The following PRIM2 variants were observed in gnomAD, a reference collection of about 807,000 sequenced individuals.
The protein encoded by PRIM2 is DNA primase large subunit.
Under a neutral mutation model 67.3 loss-of-function variants are expected in PRIM2, and 39 were observed. The observed-to-expected ratio is 0.58, with a 90% CI of 0.45 to 0.76. The LOEUF (loss-of-function observed/expected upper bound fraction) is 0.76, where lower values mean the gene tolerates loss of function less well. Among genes scored for constraint, PRIM2 ranks in the 30% least tolerant of loss-of-function variants. The pLI, the probability that PRIM2 is intolerant of heterozygous loss-of-function variation, is 0.00. For missense variants in PRIM2, 398 were observed against 598.7 expected (o/e 0.66, Z 3.50); for synonymous variants, 143 against 198.7 (o/e 0.72, Z 2.36).
chr6:57,285,508 C>G, the PRIM2 span, among the ~76,000 whole-genome samples: 1 of 152,142 alleles, frequency 6.6e-6, no homozygotes, highest in African/African-American at 2.4e-5. Flanking sequence ...AGAAACAGAA[C>G]GAATGACAAA....
the PRIM2 span, among the ~76,000 whole-genome samples, chr6:57,297,099 C>CT: frequency 2.0e-5 from 3 of 151,870 alleles, no homozygotes; most frequent in South Asian, 2.1e-4. Flanking sequence ...AACATGCTCT[C>CT]TTTTTTTTAA....
rs1485276243 is a variant in PRIM2, at chr6:57,622,113, G to C, written c.1231-10020G>C. On this transcript the variant is annotated intron_variant, in intron 12 of 13. Transcript: ENST00000615550. The stretch of plus-strand genomic sequence containing the variant: ...TTACAGCCAGTTTGTGTTAGCTCCA[G>C]TATACCACTGGCTGTAGTAAAATGT... Among the ~76,000 whole-genome samples, 1,356 of 152,174 alleles carry C rather than the reference G, an allele frequency of 8.9e-3. 19 individuals are homozygous for C. The highest frequency in any genetic ancestry group is 0.031 in the African/African-American group (1,279 of 41,512).
the PRIM2 span, among the ~76,000 whole-genome samples, chr6:57,279,999 G>A: frequency 6.6e-6 from 1 of 152,138 alleles, no homozygotes; most frequent in Admixed American, 6.5e-5. Context: ...AAGGGAAGAG[G>A]ACAAGAGATG....
the PRIM2 span, among the ~76,000 whole-genome samples, chr6:57,263,203 A>G: frequency 0.025 from 3,745 of 152,326 alleles, 141 homozygotes; most frequent in African/African-American, 0.085. Flanking sequence ...CCCTAATCCC[A>G]GTAGGATGAG....
chr6:57,333,396 T>C (rs541751030), intron 5 of PRIM2, among the ~76,000 whole-genome samples: 77 of 152,312 alleles, frequency 5.1e-4, no homozygotes, highest in African/African-American at 1.7e-3. Flanking sequence ...AGAAGCCTGA[T>C]TTCATTTTGA....
intron 12 of PRIM2, among the ~76,000 whole-genome samples, chr6:57,606,782 G>A (rs1776570049): frequency 6.6e-6 from 1 of 152,198 alleles, no homozygotes; most frequent in South Asian, 2.1e-4. Flanking sequence ...ATGCATGGAA[G>A]CTTATTAATG....
At chr6:57,234,671 A>G in the PRIM2 span, among the ~76,000 whole-genome samples, 1 of 152,026 alleles carries the variant, frequency 6.6e-6, no homozygotes, top group Admixed American at 6.6e-5. Context: ...CTACAGGTGC[A>G]TACCACCATG....
chr6:57,384,532 T>A (rs541003444), intron 7 of PRIM2, among the ~76,000 whole-genome samples: 5 of 152,266 alleles, frequency 3.3e-5, no homozygotes, highest in African/African-American at 9.6e-5. Context: ...AACATATGAT[T>A]TTCTTGGGAC....
At chr6:57,400,391 T>C (rs1285035629) in intron 7 of PRIM2, among the ~76,000 whole-genome samples, 1 of 152,204 alleles carries the variant, frequency 6.6e-6, no homozygotes. Flanking sequence ...AAATTCTTGA[T>C]TGAAGGTTTC....
the PRIM2 span, among the ~76,000 whole-genome samples, chr6:57,255,555 T>G: frequency 6.6e-6 from 1 of 151,934 alleles, no homozygotes; most frequent in African/African-American, 2.4e-5. Context: ...ATTTCCATCC[T>G]ATTTCCAATG....
At chr6:57,638,223 C>T (rs1289412785) in intron 13 of PRIM2, among the ~76,000 whole-genome samples, 4 of 152,126 alleles carry the variant, frequency 2.6e-5, no homozygotes, top group African/African-American at 9.7e-5. Context: ...CACCACTAGG[C>T]CTGCCTTACA....
At chr6:57,519,708 A>G (rs1774571757) in intron 8 of PRIM2, among the ~76,000 whole-genome samples, 1 of 152,220 alleles carries the variant, frequency 6.6e-6, no homozygotes, top group Non-Finnish European at 1.5e-5. Context: ...TCCTCAGCTG[A>G]CAGGATTAAG....
intron 7 of PRIM2, among the ~76,000 whole-genome samples, chr6:57,446,104 C>T: frequency 6.6e-6 from 1 of 152,176 alleles, no homozygotes; most frequent in Admixed American, 6.5e-5. Context: ...TAAATACTTC[C>T]TCAGAGCCAG....
intron 7 of PRIM2, among the ~76,000 whole-genome samples, chr6:57,448,846 T>C (rs1772442524): frequency 1.3e-5 from 2 of 152,216 alleles, no homozygotes; most frequent in Admixed American, 1.3e-4. Flanking sequence ...GGTATCTTAT[T>C]GCCACAAAGA....
At chr6:57,588,924 A>G (rs1187014085) in intron 10 of PRIM2, among the ~76,000 whole-genome samples, 1 of 152,086 alleles carries the variant, frequency 6.6e-6, no homozygotes, top group African/African-American at 2.4e-5. Context: ...TGATGGTGAT[A>G]GCCACAGTTT....
chr6:57,617,791 T>C (rs1324120887), intron 12 of PRIM2, among the ~76,000 whole-genome samples: 1 of 152,190 alleles, frequency 6.6e-6, no homozygotes, highest in Non-Finnish European at 1.5e-5. Context: ...CTTGTGCTTT[T>C]AGTGTCATAA....
intron 13 of PRIM2, among the ~76,000 whole-genome samples, chr6:57,642,658 G>T (rs1161755467): frequency 5.3e-5 from 8 of 151,858 alleles, no homozygotes; most frequent in Admixed American, 3.3e-4. Context: ...AGCCAGGATG[G>T]TCTCAATCTC....
intron 7 of PRIM2, among the ~76,000 whole-genome samples, chr6:57,423,178 A>T (rs1428867223): frequency 2.0e-5 from 3 of 152,142 alleles, no homozygotes; most frequent in African/African-American, 7.2e-5. Flanking sequence ...CATTAGTATT[A>T]TACCTTGGTG....
the PRIM2 span, among the ~76,000 whole-genome samples, chr6:57,251,230 A>T: frequency 1.3e-5 from 2 of 152,188 alleles, no homozygotes; most frequent in African/African-American, 4.8e-5. Flanking sequence ...AAGATTTTTA[A>T]AAAAATCATA....
Sources: gnomAD v4.1 joint callset for allele counts (sites outside exome capture counted in the v4.1 genomes callset) on GRCh38, gnomAD v4.1.1 for gene constraint, MANE v1.5 for transcripts, NCBI Gene and HGNC (gene_info 2026-07-23, HGNC 2026-07-21) for gene names.